ANKRD12: variants seen among roughly 807,000 people sequenced by gnomAD.
ANKRD12 encodes ankyrin repeat domain-containing protein 12.
In ANKRD12, 85 loss-of-function variants were observed where a neutral mutation model predicts 183.4. The ratio of observed to expected loss-of-function variants is 0.46; its 90% CI spans 0.39 to 0.56. ANKRD12 has a LOEUF of 0.56. ANKRD12 is among the 20% of genes least tolerant of loss of function. The pLI is 0.00. For synonymous variants in ANKRD12, 914 were observed against 800.2 expected, an observed-to-expected ratio of 1.14 and a Z score of -2.40; for missense variants, 2,405 against 2,357.1, an observed-to-expected ratio of 1.02 and a Z score of -0.42.
rs377028728 is a variant in ANKRD12, at chr18:9,257,327, G to T, written c.4060G>T (p.Val1354Leu). Residue 1354 changes from valine (V) to leucine (L), a missense_variant, in exon 9 of 13, where the codon GTG becomes TTG. By Grantham distance (32) the Val-to-Leu change is conservative (BLOSUM62 1). Coordinates refer to ENST00000262126, the MANE Select transcript of ANKRD12 (RefSeq NM_015208.5). ...PSPKPEVFSN[V>L]PERDLSNVSN... ...TCCCAAACCTGAGGTATTCTCAAATGTGCCTGAAAGAGACCTTTCAAATGT... is the reference window on the plus strand; with the variant it reads ...TCCCAAACCTGAGGTATTCTCAAATTTGCCTGAAAGAGACCTTTCAAATGT... 1 of 1,614,118 alleles carries T rather than the reference G, an allele frequency of 6.2e-7. No individual in the cohort carries two copies. The highest frequency in any genetic ancestry group is 1.7e-5 in the Admixed American group (1 of 60,008).
At chr18:9,247,797 G>C (rs1336101419) in intron 8 of ANKRD12, among the ~76,000 whole-genome samples, 1 of 151,510 alleles carries the variant, frequency 6.6e-6, no homozygotes, top group African/African-American at 2.4e-5. Context: ...GTTTTGTTTT[G>C]TTTTGTTTTG....
In ANKRD12 at chr18:9,257,706, A is replaced by G; in HGVS notation, c.4439A>G (p.Gln1480Arg). 6.2e-7 allele frequency: 1 copy of G among 1,614,074 alleles called. No homozygotes were observed. Among genetic ancestry groups the G allele is most frequent in the Non-Finnish European group, 8.5e-7 (1 of 1,179,976 alleles). The change falls in exon 9 of 13, where the codon CAG becomes CGG. Residue 1480 changes from glutamine (Q) to arginine (R), a missense_variant. Physicochemically the swap from Gln to Arg is conservative, Grantham distance 43. Transcript: ENST00000262126. ...GAACTGCCAGGAAACTCTTGTGCTC[A>G]GGATCCGGCATCCTTTATGCCTCCA... ...QTELPGNSCA[Q>R]DPASFMPPQQ...
intron 6 of ANKRD12, among the ~76,000 whole-genome samples, chr18:9,212,935 C>A (rs1298370722): frequency 6.6e-6 from 1 of 151,694 alleles, no homozygotes; most frequent in Non-Finnish European, 1.5e-5. Flanking sequence ...TTGGTTTAGT[C>A]CTGTTTTTAA....
chr18:9,223,221 A>T (rs1452090667), intron 8 of ANKRD12, among the ~76,000 whole-genome samples: 4 of 150,418 alleles, frequency 2.7e-5, no homozygotes, highest in African/African-American at 9.8e-5. Flanking sequence ...AGAGTTCAAG[A>T]CCAGCCTGGC....
chr18:9,261,851 T>C (rs1392177869), intron 9 of ANKRD12, among the ~76,000 whole-genome samples: 1 of 152,214 alleles, frequency 6.6e-6, no homozygotes, highest in Admixed American at 6.5e-5. Context: ...GAGGAAGCTT[T>C]CTCTGGCACC....
intron 1 of ANKRD12, among the ~76,000 whole-genome samples, chr18:9,163,433 T>C (rs1339463462): frequency 6.6e-6 from 1 of 152,212 alleles, no homozygotes; most frequent in Non-Finnish European, 1.5e-5. Flanking sequence ...CCTTGCTGTT[T>C]TGGTTGCTGT....
At chr18:9,232,618 A>G (rs2037117297) in intron 8 of ANKRD12, among the ~76,000 whole-genome samples, 3 of 152,106 alleles carry the variant, frequency 2.0e-5, no homozygotes, top group African/African-American at 4.8e-5. Context: ...TGCATTGGGG[A>G]ACACTGGGCC....
chr18:9,192,853 T>TA (rs1166845046), intron 2 of ANKRD12, among the ~76,000 whole-genome samples: 1 of 151,910 alleles, frequency 6.6e-6, no homozygotes, highest in Non-Finnish European at 1.5e-5. Flanking sequence ...AGCTAGTTTT[T>TA]AAAAATTTTT....
intron 2 of ANKRD12, among the ~76,000 whole-genome samples, chr18:9,191,611 T>G (rs2034460502): frequency 6.6e-6 from 1 of 152,236 alleles, no homozygotes; most frequent in Non-Finnish European, 1.5e-5. Context: ...TACTGGAGTT[T>G]TGTTGGTTAA....
At chr18:9,264,433 G>A (rs1169406724) in intron 10 of ANKRD12, among the ~76,000 whole-genome samples, 2 of 152,174 alleles carry the variant, frequency 1.3e-5, no homozygotes, top group Non-Finnish European at 2.9e-5. Flanking sequence ...AAAATGTGGT[G>A]TAAACTATGA....
At chr18:9,280,032 TC>T (rs2040036043) in intron 12 of ANKRD12, among the ~76,000 whole-genome samples, 1 of 152,218 alleles carries the variant, frequency 6.6e-6, no homozygotes, top group East Asian at 1.9e-4. Flanking sequence ...TTTTCATGTT[TC>T]TTTTGATAAT....
At chr18:9,171,481 GTTAT>G (rs538656881) in intron 1 of ANKRD12, among the ~76,000 whole-genome samples, 9 of 152,254 alleles carry the variant, frequency 5.9e-5, no homozygotes, top group South Asian at 2.1e-4. Context: ...ATGCTAGCTG[GTTAT>G]TTGTTAGACT....
chr18:9,203,771 AT>A (rs2035320436), intron 3 of ANKRD12, among the ~76,000 whole-genome samples: 2 of 151,936 alleles, frequency 1.3e-5, no homozygotes, highest in Admixed American at 1.3e-4. Context: ...CACCTGTCTA[AT>A]TTTTGTATTT....
intron 2 of ANKRD12, among the ~76,000 whole-genome samples, chr18:9,188,485 T>G (rs780221398): frequency 6.6e-6 from 1 of 152,208 alleles, no homozygotes; most frequent in Non-Finnish European, 1.5e-5. Context: ...AAGAGAGACA[T>G]GGAGAATTAT....
Position 9,254,345 on chromosome 18 carries a change from G to C in ANKRD12, c.1078G>C (p.Glu360Gln), listed in dbSNP as rs1234892936. The C allele has an allele frequency of 6.2e-7, 1 of 1,613,016 alleles. No homozygotes were observed. Among genetic ancestry groups the C allele is most frequent in the South Asian group, 1.1e-5 (1 of 90,898 alleles). The part of the protein sequence containing the change: ...SKTPLPSALD[E>Q]YEFKDDDDEE... ...AACACCTCTTCCATCTGCCCTTGATGAGTATGAGTTCAAAGATGATGATGA... is the reference window on the plus strand; with the variant it reads ...AACACCTCTTCCATCTGCCCTTGATCAGTATGAGTTCAAAGATGATGATGA... The change falls in exon 9 of 13, where the codon GAG becomes CAG. Residue 360 changes from glutamate (E) to glutamine (Q), a missense_variant. This residue lies in a region of ANKRD12 where 1,983 missense variants were observed against 1,725.9 expected (regional missense o/e 1.15). Coordinates refer to ENST00000262126, the MANE Select transcript of ANKRD12 (RefSeq NM_015208.5).
At chr18:9,239,381 T>G (rs2037528921) in intron 8 of ANKRD12, 1 of 279,404 alleles carries the variant, frequency 3.6e-6, no homozygotes, top group Non-Finnish European at 5.9e-6. Context: ...TCAACTTACA[T>G]GTTTAATTAG....
intron 1 of ANKRD12, among the ~76,000 whole-genome samples, chr18:9,142,687 G>T (rs2078359708): frequency 6.6e-6 from 1 of 152,098 alleles, no homozygotes; most frequent in Non-Finnish European, 1.5e-5. Context: ...TTTGAGACCA[G>T]CCTGACTAAC....
chr18:9,149,285 T>C (rs768615399), intron 1 of ANKRD12, among the ~76,000 whole-genome samples: 4 of 152,238 alleles, frequency 2.6e-5, no homozygotes, highest in Admixed American at 6.5e-5. Flanking sequence ...AGTGATAGAA[T>C]AATTGCATGA....
chr18:9,190,845 G>C (rs904007955), intron 2 of ANKRD12, among the ~76,000 whole-genome samples: 5 of 152,288 alleles, frequency 3.3e-5, no homozygotes, highest in South Asian at 2.1e-4. Context: ...GTGTAAACAT[G>C]ATTTTTGTAC....
Sources: gnomAD v4.1 joint callset for allele counts (sites outside exome capture counted in the v4.1 genomes callset) on GRCh38, gnomAD v4.1.1 for gene constraint, gnomAD v4.1.1 regional missense constraint, MANE v1.5 for transcripts, NCBI Gene and HGNC (gene_info 2026-07-23, HGNC 2026-07-21) for gene names.